The following PLCXD3 variants were observed in gnomAD, a reference collection of about 807,000 sequenced individuals.
PLCXD3 encodes phosphatidylinositol specific phospholipase C X domain containing 3.
A neutral mutation model predicts 25.5 loss-of-function variants in PLCXD3; 19 were observed. The ratio of observed to expected loss-of-function variants is 0.75; its 90% CI spans 0.52 to 1.09. The LOEUF is 1.09. Ranked by LOEUF, PLCXD3 falls within the 50% of genes least tolerant of loss-of-function variation. The probability of loss-of-function intolerance (pLI) is 0.00; values close to 1 mark genes in which losing one functional copy is unlikely to be tolerated. For missense variants in PLCXD3, 411 were observed against 388.1 expected (o/e 1.06, Z -0.50); for synonymous variants, 174 against 137.6 (o/e 1.26, Z -1.85).
Position 41,467,926 on chromosome 5 carries a change from T to C in PLCXD3, c.103+42498A>G, listed in dbSNP as rs115493711. The stretch of plus-strand genomic sequence containing the variant: ...TGTTCCATGGGTTGATGTCTCTGTT[T>C]TTATGCAGGCAACATGATGTTTTGA... On this transcript the variant is annotated intron_variant, in intron 1 of 2. Coordinates refer to ENST00000377801, the MANE Select transcript of PLCXD3 (RefSeq NM_001005473.3). Among the ~76,000 whole-genome samples, 373 of 152,206 alleles carry C rather than the reference T, an allele frequency of 2.5e-3. 2 individuals carry two copies. Among genetic ancestry groups the C allele is most frequent in the African/African-American group, 8.8e-3 (364 of 41,548 alleles).
At chr5:41,454,731 G>C (rs1747713378) in intron 1 of PLCXD3, among the ~76,000 whole-genome samples, 1 of 151,874 alleles carries the variant, frequency 6.6e-6, no homozygotes, top group Non-Finnish European at 1.5e-5. Flanking sequence ...ACCAAAAATT[G>C]CTGACAACCA....
chr5:41,384,466 C>G (rs1036677443), intron 1 of PLCXD3, among the ~76,000 whole-genome samples: 1 of 151,482 alleles, frequency 6.6e-6, no homozygotes, highest in African/African-American at 2.4e-5. Flanking sequence ...AATTTAAACT[C>G]TCAAAATAAG....
intron 2 of PLCXD3, among the ~76,000 whole-genome samples, chr5:41,360,919 G>T (rs925071667): frequency 9.2e-5 from 14 of 152,192 alleles, no homozygotes; most frequent in Admixed American, 3.3e-4. Context: ...GGGATACCTG[G>T]TTAAGTATTC....
chr5:41,389,402 A>G (rs907902987), intron 1 of PLCXD3, among the ~76,000 whole-genome samples: 3 of 152,140 alleles, frequency 2.0e-5, no homozygotes, highest in African/African-American at 7.2e-5. Flanking sequence ...CCAGATACCA[A>G]CACAGATGCA....
intron 1 of PLCXD3, among the ~76,000 whole-genome samples, chr5:41,508,157 G>A (rs1441357410): frequency 6.6e-6 from 1 of 152,126 alleles, no homozygotes; most frequent in Non-Finnish European, 1.5e-5. Context: ...ATACCAACAG[G>A]AGCTGGGAAA....
chr5:41,395,993 C>T lies in PLCXD3; in HGVS notation c.104-13459G>A, dbSNP rs1375972623. 2.2e-5 allele frequency among the ~76,000 whole-genome samples: 3 copies of T among 137,108 alleles called. No individual in the cohort carries two copies. The East Asian group carries it at 5.9e-4, about 27-fold the overall frequency. 89.9% of individuals were successfully genotyped at this position (137,108 alleles called of 152,430 possible). On this transcript the variant is annotated intron_variant, in intron 1 of 2. Coordinates refer to ENST00000377801, the MANE Select transcript of PLCXD3 (RefSeq NM_001005473.3). ...CCTGATACTAAAATCAGACAAAGGC[C>T]CATCAAAGAAAAAAAAAAAACCACA...
intron 2 of PLCXD3, among the ~76,000 whole-genome samples, chr5:41,338,251 T>C (rs890023030): frequency 3.3e-5 from 5 of 152,166 alleles, no homozygotes; most frequent in African/African-American, 1.2e-4. Context: ...CAAAAGGTTT[T>C]CTTGGCCACA....
intron 2 of PLCXD3, among the ~76,000 whole-genome samples, chr5:41,363,554 A>G (rs1744849343): frequency 6.6e-6 from 1 of 152,194 alleles, no homozygotes. Flanking sequence ...TATCCCATCA[A>G]TGACAGAATG....
intron 1 of PLCXD3, among the ~76,000 whole-genome samples, chr5:41,448,506 G>C (rs1747556612): frequency 6.6e-6 from 1 of 152,196 alleles, no homozygotes; most frequent in African/African-American, 2.4e-5. Context: ...AATACCTCTT[G>C]TATTGTAAAA....
chr5:41,356,653 G>A (rs1476576872), intron 2 of PLCXD3, among the ~76,000 whole-genome samples: 1 of 152,106 alleles, frequency 6.6e-6, no homozygotes, highest in Non-Finnish European at 1.5e-5. Context: ...TATCACTCAA[G>A]TTACAGAATA....
chr5:41,380,458 C>T (rs1330599776), intron 2 of PLCXD3, among the ~76,000 whole-genome samples: 2 of 152,098 alleles, frequency 1.3e-5, no homozygotes, highest in Non-Finnish European at 2.9e-5. Flanking sequence ...TCAATTATTA[C>T]ATAAAACACA....
chr5:41,329,733 T>C (rs1021492754), intron 2 of PLCXD3, among the ~76,000 whole-genome samples: 1 of 151,194 alleles, frequency 6.6e-6, no homozygotes, highest in African/African-American at 2.4e-5. Context: ...GCAGTAATCA[T>C]CATCATCATC....
intron 1 of PLCXD3, among the ~76,000 whole-genome samples, chr5:41,485,046 G>T (rs1040202613): frequency 6.6e-6 from 1 of 152,182 alleles, no homozygotes; most frequent in African/African-American, 2.4e-5. Context: ...TCAAGAATTT[G>T]CTAGATTAAC....
At chr5:41,482,479 G>C (rs1748434860) in intron 1 of PLCXD3, among the ~76,000 whole-genome samples, 1 of 152,084 alleles carries the variant, frequency 6.6e-6, no homozygotes, top group Non-Finnish European at 1.5e-5. Context: ...CTTATCAGCA[G>C]GATACTTAAG....
chr5:41,383,351 G>T lies in PLCXD3; in HGVS notation c.104-817C>A, dbSNP rs150952260. On this transcript the variant is annotated intron_variant, in intron 1 of 2. Coordinates refer to ENST00000377801, the MANE Select transcript of PLCXD3 (RefSeq NM_001005473.3). ...AGAATTTCTTCCTAGGAAGAAAAAG[G>T]ACTATTTATTTGATTATTTTTGGCA... 3.7e-4 allele frequency among the ~76,000 whole-genome samples: 56 copies of T among 152,088 alleles called. No homozygotes were observed. The East Asian group carries it at 7.2e-3, about 20-fold the overall frequency.
intron 1 of PLCXD3, among the ~76,000 whole-genome samples, chr5:41,383,843 A>G (rs1316700251): frequency 1.0e-5 from 1 of 95,550 alleles, no homozygotes; most frequent in African/African-American, 3.1e-5. Context: ...TTGGTCTTAT[A>G]AGCTATTTGA....
chr5:41,471,700 G>A (rs1347613122), intron 1 of PLCXD3, among the ~76,000 whole-genome samples: 1 of 152,092 alleles, frequency 6.6e-6, no homozygotes, highest in Non-Finnish European at 1.5e-5. Flanking sequence ...TGTAACTCTG[G>A]TTGGTAAACT....
intron 2 of PLCXD3, among the ~76,000 whole-genome samples, chr5:41,324,472 G>T (rs1487507923): frequency 2.6e-5 from 4 of 152,160 alleles, no homozygotes; most frequent in African/African-American, 9.7e-5. Flanking sequence ...GTTTCTAAAA[G>T]AGCATAATGT....
chr5:41,489,373 A>G (rs1418415806), intron 1 of PLCXD3, among the ~76,000 whole-genome samples: 1 of 151,978 alleles, frequency 6.6e-6, no homozygotes, highest in African/African-American at 2.4e-5. Flanking sequence ...TGATGCCTCC[A>G]GCTTTGTTCT....
Sources: allele counts gnomAD v4.1 joint callset (sites outside exome capture counted in the v4.1 genomes callset), GRCh38; gene constraint gnomAD v4.1.1; transcripts MANE v1.5; gene names NCBI Gene and HGNC (gene_info 2026-07-23, HGNC 2026-07-21).